MAP3K20: variants seen among roughly 807,000 people sequenced by gnomAD.
MAP3K20 encodes mitogen-activated protein kinase kinase kinase 20, also known as HCCS-4.
A neutral mutation model predicts 85.7 loss-of-function variants in MAP3K20; 40 were observed. The observed-to-expected ratio is 0.47, with a 90% CI of 0.36 to 0.61. The LOEUF (loss-of-function observed/expected upper bound fraction) is 0.61. MAP3K20 is among the 20% of genes least tolerant of loss of function. The pLI, the probability that MAP3K20 is intolerant of heterozygous loss-of-function variation, is 0.00. For synonymous variants in MAP3K20, 325 were observed against 327.7 expected (o/e 0.99, Z 0.09); for missense variants, 817 against 961.7 (o/e 0.85, Z 1.99).
chr2:173,257,448 C>G (rs1685186818), intron 16 of MAP3K20, among the ~76,000 whole-genome samples: 2 of 152,284 alleles, frequency 1.3e-5, no homozygotes, highest in South Asian at 4.1e-4. Context: ...GTGGTTCTTT[C>G]ACTCACTATA....
chr2:173,077,379 CAAAAA>C (rs35541382), intron 1 of MAP3K20, among the ~76,000 whole-genome samples: 36 of 96,218 alleles, frequency 3.7e-4, no homozygotes, highest in South Asian at 6.5e-4. Context: ...TTCAATTTTC[CAAAAA>C]AAAAAAAAAA....
intron 9 of MAP3K20, among the ~76,000 whole-genome samples, chr2:173,207,829 C>G (rs1393017797): frequency 6.6e-6 from 1 of 150,952 alleles, no homozygotes; most frequent in Non-Finnish European, 1.5e-5. Flanking sequence ...TATTCTGTAA[C>G]CAGAATACTC....
chr2:173,221,410 G>A (rs1684244540), intron 11 of MAP3K20: 2 of 1,613,976 alleles, frequency 1.2e-6, no homozygotes, highest in African/African-American at 2.7e-5. Context: ...CCACATCTAA[G>A]AGAAGGGGGA....
At chr2:173,245,538 A>T (rs995277083) in intron 16 of MAP3K20, among the ~76,000 whole-genome samples, 3 of 152,250 alleles carry the variant, frequency 2.0e-5, no homozygotes, top group Non-Finnish European at 4.4e-5. Flanking sequence ...AAACATCATG[A>T]TTAGACCAAA....
chr2:173,172,572 T>A (rs1430124437), intron 3 of MAP3K20, among the ~76,000 whole-genome samples: 2 of 152,108 alleles, frequency 1.3e-5, no homozygotes, highest in Non-Finnish European at 1.5e-5. Flanking sequence ...TGGGTGTGTA[T>A]GTGTGTGTAT....
At chr2:173,221,064 C>G in intron 11 of MAP3K20, 1 of 1,200,802 alleles carries the variant, frequency 8.3e-7, no homozygotes, top group South Asian at 2.5e-5. Flanking sequence ...CTGTGTAGTG[C>G]CAACTAATTT....
Position 173,241,792 on chromosome 2 carries a change from G to A in MAP3K20, c.1359+2296G>A, listed in dbSNP as rs192090785. On this transcript the variant is annotated intron_variant, in intron 16 of 19. Transcript: ENST00000375213. ...TGAAAATCTTTACCTCCCTTGTTTC[G>A]GCCACAGACTTTGGTTGAGTGAGAG... 6.9e-4 allele frequency among the ~76,000 whole-genome samples: 105 copies of A among 151,826 alleles called. 1 individual carries two copies. Among genetic ancestry groups the A allele is most frequent in the Non-Finnish European group, 5.1e-4 (35 of 67,962 alleles).
At chr2:173,142,395 C>T (rs866586117) in intron 2 of MAP3K20, among the ~76,000 whole-genome samples, 27 of 151,988 alleles carry the variant, frequency 1.8e-4, no homozygotes, top group African/African-American at 6.0e-4. Flanking sequence ...TGGCATGAAC[C>T]CAGGAGGTGG....
chr2:173,226,103 AT>A lies in MAP3K20; in HGVS notation c.988-3581del, dbSNP rs569620627. 1.9e-4 allele frequency: 183 copies of A among 982,714 alleles called. No individual in the cohort carries two copies. In the African/African-American group the frequency reaches 3.1e-3, roughly 17 times the overall value. The allele number at this position is 982,714 out of a possible 1,614,324, so 60.9% of individuals were successfully genotyped here. A position where few individuals can be genotyped will look rare whatever the true frequency, so the allele number is the denominator to read the frequency against. ...GTTGAGGGTGGGTTTTTAACCAGTG[AT>A]TTTTAACGTGCAGTGAATTTGTTAG... On this transcript the variant is annotated intron_variant, in intron 11 of 19. Coordinates refer to ENST00000375213, the MANE Select transcript of MAP3K20 (RefSeq NM_016653.3).
chr2:173,178,536 C>G (rs1423532434), intron 3 of MAP3K20, among the ~76,000 whole-genome samples: 3 of 152,088 alleles, frequency 2.0e-5, no homozygotes, highest in Non-Finnish European at 4.4e-5. Context: ...CCCAGCTACT[C>G]AGGAGGCTGA....
chr2:173,095,989 A>C (rs1026438650), intron 2 of MAP3K20, among the ~76,000 whole-genome samples: 2 of 152,194 alleles, frequency 1.3e-5, no homozygotes, highest in African/African-American at 4.8e-5. Flanking sequence ...AAAAGGTGAA[A>C]AGGTTTTGTA....
rs1684478394 is a variant in MAP3K20, at chr2:173,229,741, C to A, written c.1032+8C>A. On this transcript the variant is annotated splice_region_variant and intron_variant, in intron 12 of 19. Coordinates refer to ENST00000375213, the MANE Select transcript of MAP3K20 (RefSeq NM_016653.3). ...TGGACGGAAGACGATGTGGTAAGCTCTTTGTATTCATGCCTTATTTGACTT... is the reference window on the plus strand; with the variant it reads ...TGGACGGAAGACGATGTGGTAAGCTATTTGTATTCATGCCTTATTTGACTT... 1.2e-6 allele frequency: 2 copies of A among 1,613,874 alleles called. No homozygotes were observed. Among genetic ancestry groups the A allele is most frequent in the Non-Finnish European group, 1.7e-6 (2 of 1,179,972 alleles).
At chr2:173,164,373 G>A (rs1338247365) in intron 2 of MAP3K20, among the ~76,000 whole-genome samples, 1 of 152,102 alleles carries the variant, frequency 6.6e-6, no homozygotes, top group Non-Finnish European at 1.5e-5. Context: ...AAGTGTCTAT[G>A]CATGTTCTTT....
At chr2:173,193,409 C>T (rs2119124) in intron 7 of MAP3K20, among the ~76,000 whole-genome samples, 10,587 of 152,040 alleles carry the variant, frequency 0.07, 1,090 homozygotes, top group East Asian at 0.57. Flanking sequence ...ACTATACATA[C>T]ATTGAACTTT....
intron 2 of MAP3K20, among the ~76,000 whole-genome samples, chr2:173,155,915 A>T (rs934378664): frequency 7.9e-5 from 12 of 152,186 alleles, no homozygotes; most frequent in Non-Finnish European, 1.3e-4. Flanking sequence ...TAGATGTGCC[A>T]CTATACCCAG....
At chr2:173,217,093 T>TA (rs1684095048) in intron 10 of MAP3K20, 22 bp from the exon 11 acceptor site, 2 of 1,482,060 alleles carry the variant, frequency 1.3e-6, no homozygotes, top group Non-Finnish European at 1.8e-6. Context: ...AGTTGAGACT[T>TA]ACACCAGCTA....
intron 2 of MAP3K20, among the ~76,000 whole-genome samples, chr2:173,147,444 C>T (rs1315636886): frequency 6.6e-6 from 1 of 152,138 alleles, no homozygotes; most frequent in Non-Finnish European, 1.5e-5. Flanking sequence ...CATATGGCCA[C>T]ATTTAGCTTC....
intron 7 of MAP3K20, among the ~76,000 whole-genome samples, chr2:173,197,038 G>A (rs1213755719): frequency 1.3e-5 from 2 of 151,932 alleles, no homozygotes; most frequent in Non-Finnish European, 2.9e-5. Flanking sequence ...TATTAATCAT[G>A]GTAATATATG....
intron 2 of MAP3K20, among the ~76,000 whole-genome samples, chr2:173,096,344 CT>C (rs11389136): frequency 4.4e-4 from 63 of 144,510 alleles, no homozygotes; most frequent in Non-Finnish European, 5.1e-4. Context: ...TTCTTTTTTC[CT>C]TTTTTTTTTT....
Sources: allele counts gnomAD v4.1 joint callset (sites outside exome capture counted in the v4.1 genomes callset), GRCh38; gene constraint gnomAD v4.1.1; transcripts MANE v1.5; gene names NCBI Gene and HGNC (gene_info 2026-07-23, HGNC 2026-07-21).